RNF213: variants seen among roughly 807,000 people sequenced by gnomAD.
The protein encoded by RNF213 is ring finger protein 213, also known as E3 ubiquitin-protein ligase RNF213.
RNF213 carries 341 observed loss-of-function variants against 514.4 expected under a neutral mutation model. That is an observed-to-expected ratio of 0.66 (90% confidence interval 0.61 to 0.73). The LOEUF (loss-of-function observed/expected upper bound fraction) is 0.73. RNF213 is among the 30% of genes least tolerant of loss of function. RNF213 has a pLI of 0.00. For synonymous variants in RNF213, 2,655 were observed against 2,658.2 expected (o/e 1.00, Z 0.04); for missense variants, 5,767 against 6,615.6 (o/e 0.87, Z 4.45).
At chr17:80,318,248 C>T (rs1043563946) in intron 16 of RNF213, among the ~76,000 whole-genome samples, 2 of 152,154 alleles carry the variant, frequency 1.3e-5, no homozygotes, top group Non-Finnish European at 2.9e-5. Flanking sequence ...GACATTACTC[C>T]GAAAGAACCA....
chr17:80,385,616 C>T lies in RNF213; in HGVS notation c.14534C>T (p.Thr4845Met), dbSNP rs748420195. 11 of 1,613,818 alleles carry T rather than the reference C, an allele frequency of 6.8e-6. No homozygotes were observed. Among genetic ancestry groups the T allele is most frequent in the African/African-American group, 4.0e-5 (3 of 75,030 alleles). Residue 4845 changes from threonine to methionine, a missense_variant, in exon 61 of 68, where the codon ACG (threonine) becomes ATG (methionine). This residue lies in a region of RNF213 where 1,245 missense variants were observed against 1,339.0 expected (regional missense o/e 0.93). Coordinates refer to ENST00000582970, the MANE Select transcript of RNF213 (RefSeq NM_001256071.3). ...TWNKLRRSLETNGEINLPKDY... is the reference protein window; with the variant it reads ...TWNKLRRSLEMNGEINLPKDY... ...AACAAACTGAGGAGATCGCTTGAGA[C>T]GAACGGTTAGTATCCTGTCCCCTGT...
At position 80,372,719 on chromosome 17, in the gene RNF213, C is replaced by A; in HGVS notation, c.12736C>A (p.Pro4246Thr). 6.2e-7 allele frequency: 1 copy of A among 1,613,520 alleles called. No individual in the cohort carries two copies. The highest frequency in any genetic ancestry group is 1.7e-5 in the Admixed American group (1 of 60,028). ...CAGAGCTGCAGATTTCCTCTCGGAG[C>A]CTGAGGGAGGCCCAGGCAAGTCTTC... ...LDRAADFLSE[P>T]EGGPEMAKEK... The change falls in exon 48 of 68, where the codon CCT becomes ACT. Residue 4246 changes from proline (P) to threonine (T), a missense_variant. Around this residue, in one of 13 missense-constraint regions of RNF213, gnomAD observed 1,245 missense variants for 1,339.0 expected, o/e 0.93. Transcript: ENST00000582970.
At chr17:80,371,646 G>T (rs985974555) in intron 46 of RNF213, 1 of 436,810 alleles carries the variant, frequency 2.3e-6, no homozygotes, top group African/African-American at 2.0e-5. Context: ...ACTATAAAGG[G>T]GTCCTGAAAC....
chr17:80,310,266 T>C (rs993291715), intron 14 of RNF213, among the ~76,000 whole-genome samples: 4 of 152,072 alleles, frequency 2.6e-5, no homozygotes, highest in African/African-American at 9.7e-5. Flanking sequence ...TTGTTTGTTT[T>C]TTTGAGATGG....
At chr17:80,329,885 A>C (rs1462081572) in intron 20 of RNF213, among the ~76,000 whole-genome samples, 1 of 152,166 alleles carries the variant, frequency 6.6e-6, no homozygotes, top group Non-Finnish European at 1.5e-5. Context: ...TAGGTCTTTC[A>C]ACTCTAGACA....
chr17:80,365,557 GACACGC>G (rs2144424393), intron 42 of RNF213, among the ~76,000 whole-genome samples: 1 of 151,680 alleles, frequency 6.6e-6, no homozygotes, highest in East Asian at 1.9e-4. Context: ...CCCAATCCCG[GACACGC>G]ACACGCCACA....
At position 80,345,912 on chromosome 17, in the gene RNF213, C is replaced by T. The variant is rs2078294121; in HGVS notation, c.7577C>T (p.Pro2526Leu). The change falls in exon 29 of 68, where the codon CCA becomes CTA. Residue 2526 changes from proline (P) to leucine (L), a missense_variant. Coordinates refer to ENST00000582970, the MANE Select transcript of RNF213 (RefSeq NM_001256071.3). This position sits in a 1 kb window ranked among gnomAD's most constrained non-coding sequence, Gnocchi z 6.0. ...CTGCATATTATAGCTGCCTGCAATC[C>T]ATACCGGAAGCACTCTGAGGAGATG... ...SGLHIIAACN[P>L]YRKHSEEMIC... The T allele has an allele frequency of 6.2e-7, 1 of 1,614,210 alleles. No homozygotes were observed. The highest frequency in any genetic ancestry group is 8.5e-7 in the Non-Finnish European group (1 of 1,180,042).
chr17:80,270,284 TG>T (rs1461766424), intron 2 of RNF213, among the ~76,000 whole-genome samples: 1 of 152,236 alleles, frequency 6.6e-6, no homozygotes, highest in African/African-American at 2.4e-5. Flanking sequence ...TCCCTTGTCC[TG>T]CTGTTTTGCC....
In RNF213 at chr17:80,345,325, C is replaced by G. The variant is rs781180194; in HGVS notation, c.6990C>G (p.Val2330=). Residue 2330 remains valine, a synonymous_variant, in exon 29 of 68, where the codon GTC becomes GTG. Coordinates refer to ENST00000582970, the MANE Select transcript of RNF213 (RefSeq NM_001256071.3). This position sits in a 1 kb window ranked among gnomAD's most constrained non-coding sequence, Gnocchi z 6.0. ...FHLQPNINGS[V]DAISHLTGKV... is the part of the protein sequence containing the mutation. ...TGCAGCCCAACATCAACGGCAGTGT[C>G]GATGCCATCAGTCACTTGACTGGGA... 6.2e-7 allele frequency: 1 copy of G among 1,613,974 alleles called. No homozygotes were observed. The highest frequency in any genetic ancestry group is 1.3e-5 in the African/African-American group (1 of 74,894).
intron 2 of RNF213, among the ~76,000 whole-genome samples, chr17:80,265,951 G>A (rs549323653): frequency 6.6e-6 from 1 of 152,128 alleles, no homozygotes; most frequent in Non-Finnish European, 1.5e-5. Context: ...CAAAGGAAGG[G>A]ATCCTTCAAG....
At chr17:80,281,606 A>ACTCACCCC (rs1568006882) in intron 3 of RNF213, among the ~76,000 whole-genome samples, 2 of 48,910 alleles carry the variant, frequency 4.1e-5, no homozygotes, top group African/African-American at 6.8e-5. Context: ...ACACACAGCC[A>ACTCACCCC]ACTCACACCA....
rs542168942 is a variant in RNF213, at chr17:80,286,334, C to T, written c.262-1481C>T. ...TTTGTGTACACTGAGCATGGGTTTC[C>T]TCTGAATTTAAAAAGGAGGAGAAAA... On this transcript the variant is annotated intron_variant, in intron 3 of 67. Coordinates refer to ENST00000582970, the MANE Select transcript of RNF213 (RefSeq NM_001256071.3). Among the ~76,000 whole-genome samples, 115 of 152,222 alleles carry T rather than the reference C, an allele frequency of 7.6e-4. 2 individuals are homozygous for T. The highest frequency in any genetic ancestry group is 1.4e-3 in the Non-Finnish European group (94 of 68,006).
chr17:80,353,620 G>A lies in RNF213; in HGVS notation c.10532G>A (p.Ser3511Asn), dbSNP rs749427375. 21 of 1,614,216 alleles carry A rather than the reference G, an allele frequency of 1.3e-5. No homozygotes were observed. In the East Asian group the frequency reaches 4.5e-4, roughly 34 times the overall value. ...GCAGAGGAGGCCATGGAAACAGAAAGTTCTGAGAAGGTGGGAAAGGAAACC... is the reference window on the plus strand; with the variant it reads ...GCAGAGGAGGCCATGGAAACAGAAAATTCTGAGAAGGTGGGAAAGGAAACC... Reference protein sequence around the residue: ...EVAEEAMETESSEKVGKETSE... With the variant: ...EVAEEAMETENSEKVGKETSE... The change falls in exon 34 of 68, where the codon AGT becomes AAT. Residue 3511 changes from serine (S) to asparagine (N), a missense_variant. Coordinates refer to ENST00000582970, the MANE Select transcript of RNF213 (RefSeq NM_001256071.3). The surrounding 1 kb of genome is among the most constrained non-coding windows in gnomAD (Gnocchi z 5.0).
At chr17:80,303,437 A>G (rs561349545) in intron 11 of RNF213, among the ~76,000 whole-genome samples, 2 of 152,304 alleles carry the variant, frequency 1.3e-5, no homozygotes, top group Non-Finnish European at 2.9e-5. Context: ...GGGACAGCAG[A>G]AAAAATGAGG....
chr17:80,377,176 T>C lies in RNF213; in HGVS notation c.13510+213T>C. 1 of 584,254 alleles carries C rather than the reference T, an allele frequency of 1.7e-6. No individual in the cohort carries two copies. The highest frequency in any genetic ancestry group is 3.1e-6 in the Non-Finnish European group (1 of 324,820). 36.2% of individuals were successfully genotyped at this position (584,254 alleles called of 1,614,324 possible). On this transcript the variant is annotated intron_variant, in intron 53 of 67. Coordinates refer to ENST00000582970, the MANE Select transcript of RNF213 (RefSeq NM_001256071.3). The surrounding 1 kb of genome is among the most constrained non-coding windows in gnomAD (Gnocchi z 4.1). ...TGATCCAAACCATTTCATTTCTTTGTCGTGTGGAAAAGGCCCTCTGTGATG... is the reference window on the plus strand; with the variant it reads ...TGATCCAAACCATTTCATTTCTTTGCCGTGTGGAAAAGGCCCTCTGTGATG...
intron 7 of RNF213, 126 bp downstream of exon 7, chr17:80,290,854 G>T: frequency 9.0e-7 from 1 of 1,116,002 alleles, no homozygotes. Context: ...GTGTCACCCA[G>T]GCTGGAGTGT....
At chr17:80,387,803 C>T (rs1223388727) in intron 63 of RNF213, among the ~76,000 whole-genome samples, 5 of 152,202 alleles carry the variant, frequency 3.3e-5, no homozygotes, top group African/African-American at 7.2e-5. Flanking sequence ...AACTGCATCC[C>T]GTGACCTCAT....
In RNF213 at chr17:80,367,860, G is replaced by C. The variant is rs770374087; in HGVS notation, c.11972+12G>C. The stretch of plus-strand genomic sequence containing the variant: ...AAGACCCTCAGCAGGTGAGACCTTA[G>C]GTTTGGATCTGTGAAGGCGAGAATT... On this transcript the variant is annotated intron_variant, in intron 43 of 67. Coordinates refer to ENST00000582970, the MANE Select transcript of RNF213 (RefSeq NM_001256071.3). The C allele has an allele frequency of 3.7e-6, 6 of 1,614,006 alleles. No homozygotes were observed. The African/African-American group carries it at 8.0e-5, about 22-fold the overall frequency.
chr17:80,385,216 G>A (rs761228213), intron 60 of RNF213, 45 bp downstream of exon 60: 17 of 1,612,800 alleles, frequency 1.1e-5, no homozygotes, highest in Middle Eastern at 1.7e-4. Flanking sequence ...CGCATTTGGC[G>A]GTTCGAAAGG....
Sources: gnomAD v4.1 joint callset for allele counts (sites outside exome capture counted in the v4.1 genomes callset) on GRCh38, gnomAD v4.1.1 for gene constraint, gnomAD v4.1.1 regional missense constraint, Gnocchi (gnomAD v3.1) non-coding constraint, MANE v1.5 for transcripts, NCBI Gene and HGNC (gene_info 2026-07-23, HGNC 2026-07-21) for gene names.